DAB1: variants seen among roughly 807,000 people sequenced by gnomAD.
DAB1 encodes the protein disabled homolog 1.
A neutral mutation model predicts 64.6 loss-of-function variants in DAB1; 15 were observed. The ratio of observed to expected loss-of-function variants is 0.23; its 90% confidence interval spans 0.16 to 0.36. The LOEUF (loss-of-function observed/expected upper bound fraction) is 0.36. DAB1 is among the 10% of genes least tolerant of loss of function. The pLI, the probability that DAB1 is intolerant of heterozygous loss-of-function variation, is 1.00. For missense variants in DAB1, 596 were observed against 706.7 expected, an observed-to-expected ratio of 0.84 and a Z score of 1.78; for synonymous variants, 235 against 251.9, an observed-to-expected ratio of 0.93 and a Z score of 0.64.
chr1:57,564,763 A>G (rs1436789369), intron 7 of DAB1, among the ~76,000 whole-genome samples: 2 of 152,240 alleles, frequency 1.3e-5, no homozygotes, highest in African/African-American at 4.8e-5. Context: ...TCCAAGAAAT[A>G]TGGGACTATG....
intron 4 of DAB1, among the ~76,000 whole-genome samples, chr1:58,311,066 T>C (rs1186377761): frequency 6.6e-6 from 1 of 152,124 alleles, no homozygotes; most frequent in African/African-American, 2.4e-5. Flanking sequence ...CTAAGTCAGT[T>C]TAGCAGGAAT....
chr1:57,810,458 G>C (rs1436124446), intron 6 of DAB1, among the ~76,000 whole-genome samples: 1 of 152,122 alleles, frequency 6.6e-6, no homozygotes, highest in Non-Finnish European at 1.5e-5. Context: ...TATTTGTGTG[G>C]GAGTAGGTTG....
intron 3 of DAB1, among the ~76,000 whole-genome samples, chr1:58,450,204 T>C (rs1351510410): frequency 6.6e-6 from 1 of 152,204 alleles, no homozygotes; most frequent in African/African-American, 2.4e-5. Flanking sequence ...TGGGTGAATC[T>C]GCCAAGGAAA....
At chr1:58,053,506 G>A (rs1233718055) in intron 5 of DAB1, among the ~76,000 whole-genome samples, 1 of 152,156 alleles carries the variant, frequency 6.6e-6, no homozygotes, top group Non-Finnish European at 1.5e-5. Flanking sequence ...CTGAGGAAGG[G>A]CATTACTCTA....
chr1:57,102,939 G>A (rs990789205), intron 4 of DAB1, among the ~76,000 whole-genome samples: 5 of 152,110 alleles, frequency 3.3e-5, no homozygotes, highest in Non-Finnish European at 4.4e-5. Context: ...AAGTGACCAA[G>A]ACAAGGAGTA....
At chr1:57,466,485 A>G (rs1686957396) in intron 7 of DAB1, among the ~76,000 whole-genome samples, 1 of 152,228 alleles carries the variant, frequency 6.6e-6, no homozygotes, top group Non-Finnish European at 1.5e-5. Context: ...AGCCTCATCT[A>G]TTAATTGCCA....
Position 58,377,999 on chromosome 1 carries a change from C to T in DAB1, n.258-34596G>A, listed in dbSNP as rs536331165. Among the ~76,000 whole-genome samples, 1,382 of 141,506 alleles carry T rather than the reference C, an allele frequency of 9.8e-3. 147 individuals are homozygous for T. The highest frequency in any genetic ancestry group is 0.035 in the African/African-American group (1,333 of 37,956). 92.8% of individuals were successfully genotyped at this position (141,506 alleles called of 152,430 possible). On this transcript the variant is annotated intron_variant and non_coding_transcript_variant, in intron 3 of 20. Coordinates refer to the DAB1 transcript ENST00000485760. ...GCTCCTGAGGCTTCTGCATTCTTCA[C>T]ATAGTTCTCAAGCCTTGGTTTTCAG...
At chr1:58,446,250 C>A (rs1376555357) in intron 3 of DAB1, among the ~76,000 whole-genome samples, 1 of 152,124 alleles carries the variant, frequency 6.6e-6, no homozygotes, top group Non-Finnish European at 1.5e-5. Context: ...TTGCTCCCAG[C>A]CCATTACGTT....
chr1:57,601,090 TA>T (rs1197624310), intron 7 of DAB1, among the ~76,000 whole-genome samples: 1 of 152,094 alleles, frequency 6.6e-6, no homozygotes, highest in Non-Finnish European at 1.5e-5. Flanking sequence ...GCCGATATTA[TA>T]AGATAAAAAA....
At chr1:57,155,609 T>C (rs1219098614) in intron 2 of DAB1, among the ~76,000 whole-genome samples, 1 of 152,102 alleles carries the variant, frequency 6.6e-6, no homozygotes, top group African/African-American at 2.4e-5. Context: ...AGGATTGTAT[T>C]GAATCTGGAG....
chr1:57,935,134 GGCACTT>G lies in DAB1; in HGVS notation n.388-50978_388-50973del, dbSNP rs938632443. Among the ~76,000 whole-genome samples, 6 of 152,284 alleles carry G rather than the reference GGCACTT, an allele frequency of 3.9e-5. No individual in the cohort carries two copies. In the South Asian group the frequency reaches 1.0e-3, roughly 26 times the overall value. ...CAGAGGATAATTAGTGAGGAAACCTGGCACTTGTAACATACAGCTAGTCTTGCCATG... is the reference window on the plus strand; with the variant it reads ...CAGAGGATAATTAGTGAGGAAACCTGGTAACATACAGCTAGTCTTGCCATG... On this transcript the variant is annotated intron_variant and non_coding_transcript_variant, in intron 5 of 20. Transcript: ENST00000485760.
chr1:57,307,720 C>T (rs902218135), intron 1 of DAB1, among the ~76,000 whole-genome samples: 3 of 152,082 alleles, frequency 2.0e-5, no homozygotes, highest in East Asian at 1.9e-4. Context: ...GACTACACCC[C>T]CTTTCGTATC....
At chr1:58,372,387 C>T (rs773087343) in intron 3 of DAB1, among the ~76,000 whole-genome samples, 6 of 152,316 alleles carry the variant, frequency 3.9e-5, no homozygotes, top group South Asian at 2.1e-4. Context: ...ACTTATCCAA[C>T]GTCTGTACCC....
intron 1 of DAB1, among the ~76,000 whole-genome samples, chr1:57,311,631 A>G (rs147308015): frequency 4.5e-4 from 68 of 152,240 alleles, no homozygotes; most frequent in Non-Finnish European, 9.1e-4. Context: ...CTTGCTCCCA[A>G]TAAATGAAGA....
At chr1:57,086,626 G>A (rs1340546394) in intron 4 of DAB1, among the ~76,000 whole-genome samples, 2 of 147,480 alleles carry the variant, frequency 1.4e-5, no homozygotes, top group Non-Finnish European at 3.0e-5. Flanking sequence ...AGTAACAGGT[G>A]ACAGGGGTTC....
intron 6 of DAB1, among the ~76,000 whole-genome samples, chr1:57,671,997 G>C (rs1292023414): frequency 1.3e-5 from 2 of 152,044 alleles, no homozygotes; most frequent in African/African-American, 2.4e-5. Context: ...TGTTTATTAA[G>C]AGTCTCTTGC....
intron 7 of DAB1, among the ~76,000 whole-genome samples, chr1:57,564,386 C>G (rs1365566179): frequency 2.6e-5 from 4 of 152,152 alleles, no homozygotes. Context: ...CGCCTCTCCC[C>G]CTCCAAAGGA....
chr1:57,144,489 T>G (rs778518575), intron 3 of DAB1, among the ~76,000 whole-genome samples: 71 of 151,842 alleles, frequency 4.7e-4, no homozygotes, highest in Non-Finnish European at 3.1e-4. Flanking sequence ...AGGTCAGGAG[T>G]TCGAGACCAG....
At chr1:58,254,042 C>T (rs1039667969) in intron 4 of DAB1, among the ~76,000 whole-genome samples, 6 of 152,078 alleles carry the variant, frequency 3.9e-5, no homozygotes, top group Admixed American at 1.3e-4. Flanking sequence ...AACAACAAAT[C>T]CCAAGCCCTA....
Sources: allele counts gnomAD v4.1 joint callset (sites outside exome capture counted in the v4.1 genomes callset), GRCh38; gene constraint gnomAD v4.1.1; transcripts MANE v1.5; gene names NCBI Gene and HGNC (gene_info 2026-07-23, HGNC 2026-07-21).